BARX2: variants seen among roughly 807,000 people sequenced by gnomAD.
BARX2 encodes the protein homeobox protein BarH-like 2.
In BARX2, 11 loss-of-function variants were observed where a neutral mutation model predicts 25.5. The ratio of observed to expected loss-of-function variants is 0.43; its 90% CI spans 0.27 to 0.71. BARX2 has a LOEUF of 0.71. Ranked by LOEUF, BARX2 falls within the 30% of genes least tolerant of loss-of-function variation. The pLI, the probability that BARX2 is intolerant of heterozygous loss-of-function variation, is 0.19. For missense variants in BARX2, 360 were observed against 359.9 expected (o/e 1.00, Z 0.00); for synonymous variants, 137 against 149.5 (o/e 0.92, Z 0.61).
chr11:129,431,291 C>T (rs58648227), intron 1 of BARX2, among the ~76,000 whole-genome samples: 138 of 152,282 alleles, frequency 9.1e-4, no homozygotes, highest in African/African-American at 3.1e-3. Flanking sequence ...TTTGTGTTCT[C>T]TTTTCACTTG....
chr11:129,405,974 T>C (rs2135395458), intron 1 of BARX2, among the ~76,000 whole-genome samples: 1 of 152,364 alleles, frequency 6.6e-6, no homozygotes, highest in East Asian at 1.9e-4. Flanking sequence ...GTGATTGTCT[T>C]GCTTTATAGG....
intron 1 of BARX2, among the ~76,000 whole-genome samples, chr11:129,422,327 T>C (rs2135404111): frequency 6.6e-6 from 1 of 152,322 alleles, no homozygotes; most frequent in East Asian, 1.9e-4. Flanking sequence ...AGATAGAGTC[T>C]CACTCTTGAC....
rs531793472 is a variant in BARX2, at chr11:129,440,747, C to A, written c.489-2088C>A. On this transcript the variant is annotated intron_variant, in intron 2 of 3. Coordinates refer to ENST00000281437, the MANE Select transcript of BARX2 (RefSeq NM_003658.5). ...GCAACTGGGCAGCTGCACCTGAGAT[C>A]ATCAGGGCCGGTCCCTGTGGGCCTC... Among the ~76,000 whole-genome samples, 6 of 152,246 alleles carry A rather than the reference C, an allele frequency of 3.9e-5. No homozygotes were observed. The East Asian group carries it at 9.7e-4, about 25-fold the overall frequency.
At chr11:129,429,940 G>A (rs960171210) in intron 1 of BARX2, among the ~76,000 whole-genome samples, 1 of 152,212 alleles carries the variant, frequency 6.6e-6, no homozygotes, top group Non-Finnish European at 1.5e-5. Flanking sequence ...GCAAACTCAC[G>A]GCAGCCTCTA....
chr11:129,442,371 A>G (rs1862271540), intron 2 of BARX2, among the ~76,000 whole-genome samples: 1 of 152,100 alleles, frequency 6.6e-6, no homozygotes, highest in South Asian at 2.1e-4. Context: ...TGCAGAGGAG[A>G]CGAGCTGTGG....
chr11:129,417,040 T>G (rs1374304534), intron 1 of BARX2, among the ~76,000 whole-genome samples: 1 of 152,014 alleles, frequency 6.6e-6, no homozygotes, highest in Admixed American at 6.6e-5. Flanking sequence ...TAGCTGGGAC[T>G]GCAGGCTCCC....
Position 129,421,692 on chromosome 11 carries a change from G to T in BARX2, c.188-15059G>T, listed in dbSNP as rs533149256. On this transcript the variant is annotated intron_variant, in intron 1 of 3. Transcript: ENST00000281437. ...GGCCTTGCCAGACACTGGTTTGTTT[G>T]CAGGTGCTCCGGTTTAATGACTTGC... Among the ~76,000 whole-genome samples, 8 of 152,288 alleles carry T rather than the reference G, an allele frequency of 5.3e-5. No individual in the cohort carries two copies. The East Asian group carries it at 1.5e-3, about 29-fold the overall frequency.
intron 3 of BARX2, among the ~76,000 whole-genome samples, chr11:129,447,383 G>C (rs1862343586): frequency 6.6e-6 from 1 of 152,192 alleles, no homozygotes; most frequent in South Asian, 2.1e-4. Context: ...GAGGCAGAAG[G>C]AGGCATGTGA....
At chr11:129,375,280 C>G (rs918550101), upstream of BARX2, among the ~76,000 whole-genome samples, 29 of 152,110 alleles carry the variant, frequency 1.9e-4, no homozygotes, top group Admixed American at 5.9e-4. This position sits in a 1 kb window ranked among gnomAD's most constrained non-coding sequence, Gnocchi z 4.0. Flanking sequence ...AAGCCGCGGT[C>G]TTCGGGAAAC....
chr11:129,398,567 T>C (rs1861745391), intron 1 of BARX2, among the ~76,000 whole-genome samples: 1 of 152,244 alleles, frequency 6.6e-6, no homozygotes, highest in Non-Finnish European at 1.5e-5. Flanking sequence ...GTAATTCTAA[T>C]TGAGAGTTTA....
intron 3 of BARX2, among the ~76,000 whole-genome samples, chr11:129,447,152 C>CT (rs1304113172): frequency 6.6e-6 from 1 of 152,168 alleles, no homozygotes; most frequent in Non-Finnish European, 1.5e-5. Flanking sequence ...CTGACAAACT[C>CT]TGTCAGCTCA....
intron 2 of BARX2, chr11:129,437,608 G>A (rs2135412342): frequency 1.4e-6 from 1 of 721,488 alleles, no homozygotes; most frequent in Non-Finnish European, 1.7e-6. Context: ...GGACCTGGCT[G>A]AGAGCCCCTT....
chr11:129,388,494 C>A (rs1861637342), intron 1 of BARX2, among the ~76,000 whole-genome samples: 1 of 152,156 alleles, frequency 6.6e-6, no homozygotes. Flanking sequence ...GGTGGAATTC[C>A]TACTCATTCA....
intron 1 of BARX2, among the ~76,000 whole-genome samples, chr11:129,382,326 G>A (rs1861574451): frequency 6.6e-6 from 1 of 152,078 alleles, no homozygotes; most frequent in South Asian, 2.1e-4. Context: ...CTACAGACAT[G>A]TGCCACCATG....
chr11:129,386,961 G>A (rs926073994), intron 1 of BARX2, among the ~76,000 whole-genome samples: 1 of 152,198 alleles, frequency 6.6e-6, no homozygotes, highest in Non-Finnish European at 1.5e-5. Context: ...CTGTGGCCAG[G>A]GTGGCCAGAT....
intron 1 of BARX2, among the ~76,000 whole-genome samples, chr11:129,411,449 A>G (rs1861886565): frequency 6.6e-6 from 1 of 152,020 alleles, no homozygotes; most frequent in Admixed American, 6.6e-5. Flanking sequence ...TGAAGAAGTT[A>G]TGCTCAGCAA....
At chr11:129,437,549 A>G (rs55821923) in intron 2 of BARX2, 278,294 of 977,870 alleles carry the variant, frequency 0.28, 41,302 homozygotes, top group African/African-American at 0.5. Flanking sequence ...CAGACATGTT[A>G]GTGAATTTGC....
intron 1 of BARX2, among the ~76,000 whole-genome samples, chr11:129,381,818 G>A (rs1861567117): frequency 1.3e-5 from 2 of 152,224 alleles, no homozygotes; most frequent in Non-Finnish European, 2.9e-5. Flanking sequence ...AGGGAAGAAG[G>A]AAAGTAAGAG....
At chr11:129,380,085 A>C (rs1244994615) in intron 1 of BARX2, among the ~76,000 whole-genome samples, 1 of 151,850 alleles carries the variant, frequency 6.6e-6, no homozygotes, top group East Asian at 2.0e-4. Context: ...GGGTCACGTC[A>C]GTGCTTCGTT....
Sources: gnomAD v4.1 joint callset for allele counts (sites outside exome capture counted in the v4.1 genomes callset) on GRCh38, gnomAD v4.1.1 for gene constraint, Gnocchi (gnomAD v3.1) non-coding constraint, MANE v1.5 for transcripts, NCBI Gene and HGNC (gene_info 2026-07-23, HGNC 2026-07-21) for gene names.